The following EPHB2 variants were observed in gnomAD, a reference collection of about 807,000 sequenced individuals.
EPHB2 encodes the protein ephrin type-B receptor 2.
In EPHB2, 18 loss-of-function variants were observed where a neutral mutation model predicts 96.4. That is an observed-to-expected ratio of 0.19 (90% CI 0.13 to 0.28). The LOEUF (loss-of-function observed/expected upper bound fraction) is 0.28, where lower values mean the gene tolerates loss of function less well. Ranked by LOEUF, EPHB2 falls within the 10% of genes least tolerant of loss-of-function variation. The probability of loss-of-function intolerance (pLI) is 1.00; values close to 1 mark genes in which losing one functional copy is unlikely to be tolerated. For synonymous variants in EPHB2, 506 were observed against 534.1 expected (o/e 0.95, Z 0.72); for missense variants, 989 against 1,355.4 (o/e 0.73, Z 4.25).
At chr1:22,825,224 G>T (rs1470588682) in intron 3 of EPHB2, among the ~76,000 whole-genome samples, 1 of 152,202 alleles carries the variant, frequency 6.6e-6, no homozygotes, top group Non-Finnish European at 1.5e-5. Context: ...TTATACAGTT[G>T]GATAGATGGT....
chr1:22,801,665 C>A (rs1644845118), intron 3 of EPHB2, among the ~76,000 whole-genome samples: 1 of 152,190 alleles, frequency 6.6e-6, no homozygotes, highest in African/African-American at 2.4e-5. Flanking sequence ...AGAGGTGCAG[C>A]ATAGGGAAAC....
intron 7 of EPHB2, among the ~76,000 whole-genome samples, chr1:22,893,369 A>G (rs1398579216): frequency 1.3e-5 from 2 of 152,178 alleles, no homozygotes; most frequent in Non-Finnish European, 2.9e-5. Flanking sequence ...ATCACATTCA[A>G]TCTGAGAAAG....
At chr1:22,831,639 C>T (rs935035614) in intron 3 of EPHB2, among the ~76,000 whole-genome samples, 1 of 152,040 alleles carries the variant, frequency 6.6e-6, no homozygotes, top group Non-Finnish European at 1.5e-5. Flanking sequence ...AGAGCCTTAA[C>T]ACCATGCCAC....
At position 22,859,823 on chromosome 1, in the gene EPHB2, G is replaced by A. The variant is rs1645765115; in HGVS notation, c.812-3214G>A. 2.0e-5 allele frequency among the ~76,000 whole-genome samples: 3 copies of A among 152,048 alleles called. No individual in the cohort carries two copies. The South Asian group carries it at 6.2e-4, about 32-fold the overall frequency. Reference sequence around the variant, plus strand: ...AGAAAAACAAATTATACAAATCAGTGGTTTCTAGTGTATTCACAGAATTGT... The same window carrying A: ...AGAAAAACAAATTATACAAATCAGTAGTTTCTAGTGTATTCACAGAATTGT... On this transcript the variant is annotated intron_variant, in intron 3 of 15. Transcript: ENST00000374630.
chr1:22,878,431 A>G (rs1246163491), intron 5 of EPHB2, among the ~76,000 whole-genome samples: 2 of 152,216 alleles, frequency 1.3e-5, no homozygotes, highest in Non-Finnish European at 2.9e-5. Flanking sequence ...GCTTCCTCCC[A>G]TTAAGCTGCA....
intron 1 of EPHB2, among the ~76,000 whole-genome samples, chr1:22,774,047 G>A (rs1194187701): frequency 6.6e-6 from 1 of 152,146 alleles, no homozygotes; most frequent in African/African-American, 2.4e-5. Context: ...TCAGTTTTAC[G>A]ATTGCCCAGC....
Position 22,908,912 on chromosome 1 carries a change from G to A in EPHB2, c.2353-110G>A, listed in dbSNP as rs561403336. The A allele has an allele frequency of 2.6e-6, 4 of 1,519,278 alleles. No individual in the cohort carries two copies. In the African/African-American group the frequency reaches 5.5e-5, roughly 21 times the overall value. The allele number at this position is 1,519,278 out of a possible 1,614,324, so 94.1% of individuals were successfully genotyped here. On this transcript the variant is annotated intron_variant, in intron 12 of 15. Transcript: ENST00000374630. ...CTGCATGGTAAGTTTGGGGCACAAT[G>A]AGGTGCCTCATGAGATTGGGGCATC...
chr1:22,816,996 C>A (rs1645084120), intron 3 of EPHB2, among the ~76,000 whole-genome samples: 1 of 152,212 alleles, frequency 6.6e-6, no homozygotes. Flanking sequence ...TGGCTCCCAG[C>A]TGGGATAATC....
In EPHB2 at chr1:22,876,594, C is replaced by T. The variant is rs146463039; in HGVS notation, c.1304-5765C>T. 1.7e-3 allele frequency among the ~76,000 whole-genome samples: 260 copies of T among 152,312 alleles called. 1 individual carries two copies. The highest frequency in any genetic ancestry group is 5.9e-3 in the African/African-American group (247 of 41,570). On this transcript the variant is annotated intron_variant, in intron 5 of 15. Transcript: ENST00000374630. ...CCTCTTTTGTGCTTACTCCCTGGGG[C>T]TCCATCTCCTTGCAGGGGTCACAGG...
chr1:22,894,047 G>T (rs1639474623), intron 7 of EPHB2, among the ~76,000 whole-genome samples: 3 of 152,068 alleles, frequency 2.0e-5, no homozygotes. Flanking sequence ...CCTCCCTATG[G>T]CTCTACCATC....
rs11435992 is a variant in EPHB2, at chr1:22,885,224, C to CAAA, written c.1428+2749_1428+2751dup. Among the ~76,000 whole-genome samples, 138 of 149,676 alleles carry CAAA rather than the reference C, an allele frequency of 9.2e-4. 1 individual carries two copies. The highest frequency in any genetic ancestry group is 3.1e-3 in the African/African-American group (127 of 40,870). The stretch of plus-strand genomic sequence containing the variant: ...CTTAGCAACTCAGAACCCCAAAAGG[C>CAAA]AAAAAAAAAACTAATTAAGAAGCTT... On this transcript the variant is annotated intron_variant, in intron 6 of 15. Coordinates refer to ENST00000374630, the MANE Select transcript of EPHB2 (RefSeq NM_017449.5).
At position 22,712,007 on chromosome 1, in the gene EPHB2, C is replaced by T. The variant is rs568964616; in HGVS notation, c.61+964C>T. Among the ~76,000 whole-genome samples, 3 of 152,332 alleles carry T rather than the reference C, an allele frequency of 2.0e-5. No individual in the cohort carries two copies. The South Asian group carries it at 6.2e-4, about 32-fold the overall frequency. On this transcript the variant is annotated intron_variant, in intron 1 of 15. Transcript: ENST00000374630. Reference sequence around the variant, plus strand: ...AAGCGAACGTGAATAATGGTTCTCACGTGTACTGCACTTTACAGTTTTCAA... The same window carrying T: ...AAGCGAACGTGAATAATGGTTCTCATGTGTACTGCACTTTACAGTTTTCAA...
chr1:22,883,653 A>C (rs542293587), intron 6 of EPHB2, among the ~76,000 whole-genome samples: 1 of 152,144 alleles, frequency 6.6e-6, no homozygotes, highest in Middle Eastern at 3.2e-3. Flanking sequence ...CTGGAGCCCA[A>C]CTTTCTAGAG....
chr1:22,776,585 G>A (rs373673447), intron 1 of EPHB2, among the ~76,000 whole-genome samples: 27 of 152,178 alleles, frequency 1.8e-4, no homozygotes, highest in Non-Finnish European at 3.5e-4. Context: ...ATGATGTTCC[G>A]TACTTTGCAG....
intron 5 of EPHB2, among the ~76,000 whole-genome samples, chr1:22,871,393 A>G (rs1298043514): frequency 1.3e-5 from 2 of 152,154 alleles, no homozygotes; most frequent in Non-Finnish European, 2.9e-5. Context: ...AGCATATCCT[A>G]GGAGCTCATG....
chr1:22,828,295 C>A (rs1023899415), intron 3 of EPHB2, among the ~76,000 whole-genome samples: 1 of 152,098 alleles, frequency 6.6e-6, no homozygotes, highest in Non-Finnish European at 1.5e-5. Context: ...TGGACCCTGG[C>A]AGAAGTAGCA....
chr1:22,744,743 C>A (rs972549204), intron 1 of EPHB2, among the ~76,000 whole-genome samples: 1 of 147,084 alleles, frequency 6.8e-6, no homozygotes, highest in Non-Finnish European at 1.5e-5. Flanking sequence ...GTAGTCTCAG[C>A]TATTTGGGAG....
At chr1:22,761,974 G>T (rs1291681990) in intron 1 of EPHB2, among the ~76,000 whole-genome samples, 1 of 152,254 alleles carries the variant, frequency 6.6e-6, no homozygotes, top group African/African-American at 2.4e-5. Flanking sequence ...TGAGGGGGCA[G>T]CAAGTCACCA....
Position 22,915,562 on chromosome 1 carries a change from G to A in EPHB2, c.*1992G>A, listed in dbSNP as rs1640244076. ...GGAAGTGGCTCAGAACTCAGCCTTCGATGCCCTGGGAATCAGGGTGAGCCC... is the reference window on the plus strand; with the variant it reads ...GGAAGTGGCTCAGAACTCAGCCTTCAATGCCCTGGGAATCAGGGTGAGCCC... On this transcript the variant is annotated 3_prime_UTR_variant, in exon 16 of 16. Coordinates refer to ENST00000374630, the MANE Select transcript of EPHB2 (RefSeq NM_017449.5). 2 of 152,150 alleles carry A rather than the reference G, an allele frequency of 1.3e-5. No individual in the cohort carries two copies. Among genetic ancestry groups the A allele is most frequent in the South Asian group, 4.1e-4 (2 of 4,824 alleles). The allele number at this position is 152,150 out of a possible 1,614,324, so 9.4% of individuals were successfully genotyped here.
Sources: allele counts gnomAD v4.1 joint callset (sites outside exome capture counted in the v4.1 genomes callset), GRCh38; gene constraint gnomAD v4.1.1; transcripts MANE v1.5; gene names NCBI Gene and HGNC (gene_info 2026-07-23, HGNC 2026-07-21).